ZDHHC14: variants seen among roughly 807,000 people sequenced by gnomAD.
ZDHHC14 encodes palmitoyltransferase ZDHHC14.
Under a neutral mutation model 47.7 loss-of-function variants are expected in ZDHHC14, and 16 were observed. That is an observed-to-expected ratio of 0.34 (90% confidence interval 0.23 to 0.51). The LOEUF (loss-of-function observed/expected upper bound fraction) is 0.51. Ranked by LOEUF, ZDHHC14 falls within the 20% of genes least tolerant of loss-of-function variation. The pLI, the probability that ZDHHC14 is intolerant of heterozygous loss-of-function variation, is 0.97. For missense variants in ZDHHC14, 515 were observed against 662.5 expected, an observed-to-expected ratio of 0.78 and a Z score of 2.44; for synonymous variants, 293 against 278.9, an observed-to-expected ratio of 1.05 and a Z score of -0.50.
At chr6:157,554,190 G>A (rs1391406866) in intron 2 of ZDHHC14, among the ~76,000 whole-genome samples, 1 of 152,154 alleles carries the variant, frequency 6.6e-6, no homozygotes, top group South Asian at 2.1e-4. Flanking sequence ...ATGGAAACTC[G>A]AAGTCTAAGT....
At chr6:157,568,985 A>C (rs955270308) in intron 2 of ZDHHC14, among the ~76,000 whole-genome samples, 1 of 152,102 alleles carries the variant, frequency 6.6e-6, no homozygotes, top group Non-Finnish European at 1.5e-5. Context: ...CTTTAAAGAT[A>C]CTACCCTTTG....
At chr6:157,493,462 C>G (rs1779978992) in intron 1 of ZDHHC14, among the ~76,000 whole-genome samples, 1 of 152,230 alleles carries the variant, frequency 6.6e-6, no homozygotes, top group African/African-American at 2.4e-5. Context: ...CAGTGATGGC[C>G]TCTCCTGGCA....
intron 3 of ZDHHC14, among the ~76,000 whole-genome samples, chr6:157,599,337 G>T (rs1784252714): frequency 6.6e-6 from 1 of 152,190 alleles, no homozygotes; most frequent in African/African-American, 2.4e-5. Context: ...ACCACAGGTA[G>T]GACGTTTGCG....
intron 1 of ZDHHC14, among the ~76,000 whole-genome samples, chr6:157,451,638 G>A (rs1007018190): frequency 8.5e-5 from 13 of 152,194 alleles, no homozygotes; most frequent in Non-Finnish European, 2.9e-5. Context: ...TCAGCTCACT[G>A]CAATCTCCGC....
chr6:157,403,055 C>T (rs1377126262), intron 1 of ZDHHC14, among the ~76,000 whole-genome samples: 1 of 150,846 alleles, frequency 6.6e-6, no homozygotes, highest in Non-Finnish European at 1.5e-5. Context: ...CCTTCTGTTG[C>T]CTTCTGAACT....
At chr6:157,515,457 C>CTTTTTTTTTTTTTTTTTT (rs1187323622) in intron 1 of ZDHHC14, among the ~76,000 whole-genome samples, 36 of 129,426 alleles carry the variant, frequency 2.8e-4, no homozygotes, top group East Asian at 4.5e-4. Context: ...TTTTCTTTTT[C>CTTTTTTTTTTTTTTTTTT]TTTTTTTTTT....
At chr6:157,639,036 T>C (rs924164788) in intron 5 of ZDHHC14, among the ~76,000 whole-genome samples, 2 of 152,244 alleles carry the variant, frequency 1.3e-5, no homozygotes. Flanking sequence ...TTGGGCAGGG[T>C]GCCCGCTTTG....
chr6:157,643,667 A>ATATATATATG (rs1777371363), intron 5 of ZDHHC14, among the ~76,000 whole-genome samples: 1 of 129,208 alleles, frequency 7.7e-6, no homozygotes. Context: ...ATATATATAT[A>ATATATATATG]TATATATATG....
At chr6:157,414,704 G>T (rs151109534) in intron 1 of ZDHHC14, among the ~76,000 whole-genome samples, 1 of 152,036 alleles carries the variant, frequency 6.6e-6, no homozygotes, top group Non-Finnish European at 1.5e-5. Context: ...AATGTCAGAG[G>T]ATATTCAGTG....
chr6:157,633,351 C>G (rs1471845174), intron 5 of ZDHHC14, among the ~76,000 whole-genome samples: 1 of 152,184 alleles, frequency 6.6e-6, no homozygotes, highest in East Asian at 1.9e-4. Flanking sequence ...TTTCCAGGAA[C>G]AGAACACCCT....
intron 2 of ZDHHC14, among the ~76,000 whole-genome samples, chr6:157,575,075 G>A (rs1452559237): frequency 6.6e-6 from 1 of 152,138 alleles, no homozygotes; most frequent in East Asian, 1.9e-4. Flanking sequence ...AGTCAGGTGA[G>A]TTGGTGTTGC....
At chr6:157,408,967 G>A (rs545135549) in intron 1 of ZDHHC14, among the ~76,000 whole-genome samples, 1 of 152,210 alleles carries the variant, frequency 6.6e-6, no homozygotes, top group East Asian at 1.9e-4. Context: ...TGGATCTCTG[G>A]CGATTGCATC....
intron 1 of ZDHHC14, among the ~76,000 whole-genome samples, chr6:157,438,577 G>T (rs944251415): frequency 6.6e-6 from 1 of 152,332 alleles, no homozygotes; most frequent in East Asian, 1.9e-4. Flanking sequence ...CAAATGTGAG[G>T]ATCACCATAG....
chr6:157,614,078 C>T (rs1336204387), intron 3 of ZDHHC14, among the ~76,000 whole-genome samples: 1 of 152,184 alleles, frequency 6.6e-6, no homozygotes, highest in African/African-American at 2.4e-5. Context: ...CAGCTCTTGG[C>T]AAGCCCCCCC....
At chr6:157,599,212 G>A (rs1026140062) in intron 3 of ZDHHC14, among the ~76,000 whole-genome samples, 3 of 152,164 alleles carry the variant, frequency 2.0e-5, no homozygotes, top group African/African-American at 4.8e-5. Context: ...TCGGGTTGCC[G>A]GTAGAATCAA....
intron 3 of ZDHHC14, among the ~76,000 whole-genome samples, chr6:157,597,329 G>T (rs181263892): frequency 2.0e-5 from 3 of 152,274 alleles, no homozygotes; most frequent in Non-Finnish European, 4.4e-5. Flanking sequence ...GGTGCATGCT[G>T]CCCTCGTTTT....
At chr6:157,518,016 G>A (rs191007741) in intron 1 of ZDHHC14, among the ~76,000 whole-genome samples, 129 of 152,238 alleles carry the variant, frequency 8.5e-4, no homozygotes, top group Non-Finnish European at 1.1e-3. Flanking sequence ...GCATGGATGT[G>A]GACACGCAGG....
chr6:157,450,921 C>A (rs377227418), intron 1 of ZDHHC14, among the ~76,000 whole-genome samples: 1 of 151,950 alleles, frequency 6.6e-6, no homozygotes, highest in East Asian at 1.9e-4. Context: ...TCATAGATGT[C>A]TTTGTATAAA....
At chr6:157,556,815 G>A (rs952233662) in intron 2 of ZDHHC14, among the ~76,000 whole-genome samples, 5 of 152,344 alleles carry the variant, frequency 3.3e-5, no homozygotes, top group Admixed American at 3.3e-4. Context: ...GCCACCAGCT[G>A]AAGGACAGGC....
Sources: gnomAD v4.1 joint callset for allele counts (sites outside exome capture counted in the v4.1 genomes callset) on GRCh38, gnomAD v4.1.1 for gene constraint, MANE v1.5 for transcripts, NCBI Gene and HGNC (gene_info 2026-07-23, HGNC 2026-07-21) for gene names.